CUL1: variants seen among roughly 807,000 people sequenced by gnomAD.
CUL1 encodes the protein cullin-1.
CUL1 carries 24 observed loss-of-function variants against 118.0 expected under a neutral mutation model. The ratio of observed to expected loss-of-function variants is 0.20; its 90% CI spans 0.15 to 0.29. CUL1 has a LOEUF of 0.29. Among genes scored for constraint, CUL1 ranks in the 10% least tolerant of loss-of-function variants. CUL1 has a pLI of 1.00. For missense variants in CUL1, 361 were observed against 933.8 expected (o/e 0.39, Z 7.99); for synonymous variants, 332 against 340.4 (o/e 0.98, Z 0.27).
chr7:148,767,783 G>C, intron 9 of CUL1, 34 bp downstream of exon 9: 1 of 1,605,762 alleles, frequency 6.2e-7, no homozygotes, highest in Non-Finnish European at 8.5e-7. Flanking sequence ...CAGTCAGGCT[G>C]ATTATTTCCA....
chr7:148,750,520 A>T (rs113102018), intron 2 of CUL1, among the ~76,000 whole-genome samples: 2 of 151,970 alleles, frequency 1.3e-5, no homozygotes, highest in South Asian at 2.1e-4. Flanking sequence ...TCATTGTTCA[A>T]TTCCCACCTA....
chr7:148,745,459 T>C (rs1799282849), intron 2 of CUL1, among the ~76,000 whole-genome samples: 1 of 152,206 alleles, frequency 6.6e-6, no homozygotes, highest in Non-Finnish European at 1.5e-5. Context: ...AGTATACACC[T>C]TCTTTTGGTG....
At chr7:148,790,214 T>C (rs1040789064) in intron 15 of CUL1, 96 bp from the exon 16 acceptor site, 76 of 1,345,184 alleles carry the variant, frequency 5.6e-5, no homozygotes, top group Non-Finnish European at 7.7e-5. Context: ...GCACTGACTT[T>C]GTACTGTAAG....
At chr7:148,724,596 A>G (rs1022382210) in intron 1 of CUL1, among the ~76,000 whole-genome samples, 15 of 152,152 alleles carry the variant, frequency 9.9e-5, no homozygotes, top group African/African-American at 3.4e-4. Flanking sequence ...GAAAATGATA[A>G]TCCCTCTCCG....
At chr7:148,710,894 C>G (rs1326559211) in intron 1 of CUL1, among the ~76,000 whole-genome samples, 1 of 152,050 alleles carries the variant, frequency 6.6e-6, no homozygotes, top group Non-Finnish European at 1.5e-5. Flanking sequence ...TCTCGAACTC[C>G]TGACCTCAGG....
At chr7:148,780,710 C>G (rs369617518) in intron 9 of CUL1, among the ~76,000 whole-genome samples, 13 of 152,362 alleles carry the variant, frequency 8.5e-5, no homozygotes, top group African/African-American at 3.1e-4. Context: ...TGAATGAGCC[C>G]TTAGGGACAA....
At chr7:148,724,617 G>A (rs998694056) in intron 1 of CUL1, among the ~76,000 whole-genome samples, 5 of 152,140 alleles carry the variant, frequency 3.3e-5, no homozygotes, top group African/African-American at 9.7e-5. Flanking sequence ...GGGATTGGCC[G>A]TCTAGAGAAC....
rs114231400 is a variant in CUL1 at position 148,774,143 on chromosome 7, C to T, written c.1083+6394C>T. ...TTCTCAAAGTGTGTGCAATGCAGTC[C>T]GTTACTCTTGTTAGAGGTAGGTCAT... On this transcript the variant is annotated intron_variant, in intron 9 of 21. Coordinates refer to ENST00000325222, the MANE Select transcript of CUL1 (RefSeq NM_003592.3). 4.7e-3 allele frequency among the ~76,000 whole-genome samples: 709 copies of T among 152,254 alleles called. 9 individuals are homozygous for T. The highest frequency in any genetic ancestry group is 0.016 in the African/African-American group (661 of 41,536).
chr7:148,780,117 A>G (rs1392948605), intron 9 of CUL1, among the ~76,000 whole-genome samples: 1 of 152,068 alleles, frequency 6.6e-6, no homozygotes, highest in Non-Finnish European at 1.5e-5. Context: ...ACTCCCGTAT[A>G]TATATATATC....
Position 148,764,753 on chromosome 7 carries a change from T to C in CUL1, c.790-1808T>C, listed in dbSNP as rs7810339. On this transcript the variant is annotated intron_variant, in intron 7 of 21. Transcript: ENST00000325222. ...AAGCAGCATTTATTGTTTTAAAATATCTTTATAATCAGAAAAACAAAATTA... is the reference window on the plus strand; with the variant it reads ...AAGCAGCATTTATTGTTTTAAAATACCTTTATAATCAGAAAAACAAAATTA... Among the ~76,000 whole-genome samples, 3 of 152,322 alleles carry C rather than the reference T, an allele frequency of 2.0e-5. No individual in the cohort carries two copies. In the East Asian group the frequency reaches 5.8e-4, roughly 29 times the overall value.
In CUL1 at chr7:148,788,805, C is replaced by T. The variant is rs1044042411; in HGVS notation, c.1597+131C>T. The T allele has an allele frequency of 2.8e-5, 19 of 685,294 alleles. No individual in the cohort carries two copies. In the Admixed American group the frequency reaches 2.8e-4, roughly 10 times the overall value. The allele number at this position is 685,294 out of a possible 1,614,324, so 42.5% of individuals were successfully genotyped here. ...TTCAAGAACTAAGAAGCGGGAGATT[C>T]CTCCCAAATGCCCAGCCCTCCTCCC... is the stretch of plus-strand genomic sequence containing the variant. On this transcript the variant is annotated intron_variant, in intron 14 of 21. Transcript: ENST00000325222.
rs1362703352 is a variant in CUL1, at chr7:148,723,350, C to A, written c.-161-6612C>A. Among the ~76,000 whole-genome samples the A allele has an allele frequency of 3.3e-5, 5 of 152,292 alleles. No individual in the cohort carries two copies. In the South Asian group the frequency reaches 8.3e-4, roughly 25 times the overall value. ...GAGATCAGCTGTGTAGGGCCACCTTCTCTTCTGTGCTGAGGCCCTGTGTGT... is the reference window on the plus strand; with the variant it reads ...GAGATCAGCTGTGTAGGGCCACCTTATCTTCTGTGCTGAGGCCCTGTGTGT... On this transcript the variant is annotated intron_variant, in intron 1 of 21. Transcript: ENST00000325222.
chr7:148,730,189 G>A lies in CUL1; in HGVS notation c.67G>A (p.Asp23Asn). ...KQIGLDQIWD[D>N]LRAGIQQVYT... ...GATTGGCCTGGACCAGATCTGGGACGACCTCAGAGCCGGCATCCAGCAGGT... is the reference window on the plus strand; with the variant it reads ...GATTGGCCTGGACCAGATCTGGGACAACCTCAGAGCCGGCATCCAGCAGGT... Residue 23 changes from aspartate (D) to asparagine (N), a missense_variant, in exon 2 of 22, where the codon GAC becomes AAC. This residue lies in a region of CUL1 where 13 missense variants were observed against 56.5 expected (regional missense o/e 0.23). Coordinates refer to ENST00000325222, the MANE Select transcript of CUL1 (RefSeq NM_003592.3). 6.2e-7 allele frequency: 1 copy of A among 1,614,096 alleles called. No homozygotes were observed.
intron 2 of CUL1, among the ~76,000 whole-genome samples, chr7:148,732,345 ATT>A (rs34013582): frequency 2.5e-3 from 340 of 134,826 alleles, no homozygotes; most frequent in African/African-American, 7.9e-3. Flanking sequence ...TAAGTCATCC[ATT>A]TTTTTTTTTT....
At chr7:148,768,376 C>G (rs983948444) in intron 9 of CUL1, among the ~76,000 whole-genome samples, 2 of 114,006 alleles carry the variant, frequency 1.8e-5, no homozygotes, top group African/African-American at 7.6e-5. Flanking sequence ...AGAAGAAAAG[C>G]TCTTTTTTTT....
chr7:148,710,129 C>T (rs1027927651), intron 1 of CUL1, among the ~76,000 whole-genome samples: 1 of 152,176 alleles, frequency 6.6e-6, no homozygotes, highest in Non-Finnish European at 1.5e-5. Context: ...ATTGTTGATG[C>T]TTTTGTGTCT....
At chr7:148,728,989 G>GT (rs1169557036) in intron 1 of CUL1, among the ~76,000 whole-genome samples, 1 of 152,108 alleles carries the variant, frequency 6.6e-6, no homozygotes, top group Non-Finnish European at 1.5e-5. Context: ...ATAATTCAGT[G>GT]TTTCTTGATT....
chr7:148,752,794 G>A (rs1017086398), intron 2 of CUL1, among the ~76,000 whole-genome samples: 5 of 152,054 alleles, frequency 3.3e-5, no homozygotes, highest in South Asian at 2.1e-4. Context: ...GACTACAGGC[G>A]CCTGCCACCA....
intron 9 of CUL1, among the ~76,000 whole-genome samples, chr7:148,769,216 T>A (rs1800119922): frequency 6.6e-6 from 1 of 152,172 alleles, no homozygotes; most frequent in Admixed American, 6.5e-5. Flanking sequence ...CCATAGGATA[T>A]TTGTGAATAA....
Sources: gnomAD v4.1 joint callset for allele counts (sites outside exome capture counted in the v4.1 genomes callset) on GRCh38, gnomAD v4.1.1 for gene constraint, gnomAD v4.1.1 regional missense constraint, MANE v1.5 for transcripts, NCBI Gene and HGNC (gene_info 2026-07-23, HGNC 2026-07-21) for gene names.